Variants in SPTAN1 observed in about 807,000 individuals in gnomAD.
The protein encoded by SPTAN1 is spectrin alpha, non-erythrocytic 1.
In SPTAN1, 61 loss-of-function variants were observed where a neutral mutation model predicts 331.3. The ratio of observed to expected loss-of-function variants is 0.18; its 90% confidence interval spans 0.15 to 0.23. The LOEUF (loss-of-function observed/expected upper bound fraction) is 0.23. Among genes scored for constraint, SPTAN1 ranks in the 10% least tolerant of loss-of-function variants. The pLI is 1.00. For missense variants in SPTAN1, 2,043 were observed against 3,147.9 expected (o/e 0.65, Z 8.40); for synonymous variants, 1,153 against 1,173.9 (o/e 0.98, Z 0.36).
intron 1 of SPTAN1, 119 bp from the exon 2 acceptor site, chr9:128,566,619 T>C: frequency 6.8e-7 from 1 of 1,472,874 alleles, no homozygotes; most frequent in South Asian, 1.2e-5. Context: ...GGCTGTCTTC[T>C]CAATTCATTT....
intron 9 of SPTAN1, among the ~76,000 whole-genome samples, chr9:128,578,631 C>G (rs1043664667): frequency 6.6e-6 from 1 of 152,062 alleles, no homozygotes; most frequent in African/African-American, 2.4e-5. Context: ...GAGATCAAGA[C>G]CATCCATGCC....
chr9:128,561,209 AGAG>A (rs932005558), intron 1 of SPTAN1, among the ~76,000 whole-genome samples: 39 of 151,146 alleles, frequency 2.6e-4, no homozygotes, highest in African/African-American at 9.2e-4. Flanking sequence ...CTTAAAAAGA[AGAG>A]AAATACAAAA....
At chr9:128,575,515 T>C (rs1329204876) in intron 5 of SPTAN1, among the ~76,000 whole-genome samples, 170 bp downstream of exon 5, 1 of 152,222 alleles carries the variant, frequency 6.6e-6, no homozygotes, top group African/African-American at 2.4e-5. Flanking sequence ...TACTCCTAAA[T>C]TGGAAAATGC....
At chr9:128,617,916 T>C in intron 42 of SPTAN1, 71 bp from the exon 43 acceptor site, 3 of 1,613,688 alleles carry the variant, frequency 1.9e-6, no homozygotes, top group Non-Finnish European at 2.5e-6. Context: ...TTGAGGCCTT[T>C]TCCTGGGAGC....
chr9:128,570,326 ATATATTTTTTTTTTTTT>A (rs1294069972), intron 3 of SPTAN1, among the ~76,000 whole-genome samples: 2 of 43,130 alleles, frequency 4.6e-5, no homozygotes, highest in Non-Finnish European at 8.3e-5. Flanking sequence ...ATATATATAT[ATATATTTTTTTTTTTTT>A]TTTTTTTTTT....
In SPTAN1 at chr9:128,591,366, G is replaced by A. The variant is rs556696621; in HGVS notation, c.3007-111G>A. On this transcript the variant is annotated intron_variant, in intron 21 of 56. Transcript: ENST00000372739. Reference sequence around the variant, plus strand: ...TAGGTGTGAGCCACTGTGGCCGGCCGTTTTGGACCTCTTAAAACAACGCTC... The same window carrying A: ...TAGGTGTGAGCCACTGTGGCCGGCCATTTTGGACCTCTTAAAACAACGCTC... 321 of 1,461,472 alleles carry A rather than the reference G, an allele frequency of 2.2e-4. No individual in the cohort carries two copies. The African/African-American group carries it at 3.7e-3, about 17-fold the overall frequency. 90.5% of individuals were successfully genotyped at this position (1,461,472 alleles called of 1,614,324 possible).
intron 51 of SPTAN1, 119 bp from the exon 52 acceptor site, chr9:128,630,202 T>C: frequency 1.8e-6 from 2 of 1,093,974 alleles, no homozygotes; most frequent in Non-Finnish European, 2.8e-6. Context: ...GCAGTTAGGT[T>C]TGGTTTCCTT....
chr9:128,582,576 A>C lies in SPTAN1; in HGVS notation c.1650+20A>C. 6.2e-7 allele frequency: 1 copy of C among 1,613,156 alleles called. No individual in the cohort carries two copies. The highest frequency in any genetic ancestry group is 1.1e-5 in the South Asian group (1 of 91,086). On this transcript the variant is annotated intron_variant, in intron 13 of 56. Coordinates refer to ENST00000372739, the MANE Select transcript of SPTAN1 (RefSeq NM_001130438.3). ...GATGCTGTAAGTTTGTAGGTTCTTC[A>C]TGCTCCTCCTTTTTGGTACATGAAT...
intron 3 of SPTAN1, among the ~76,000 whole-genome samples, chr9:128,571,187 G>C (rs748889468): frequency 7.2e-5 from 11 of 152,134 alleles, no homozygotes; most frequent in Admixed American, 4.6e-4. Context: ...CTACTGGGGA[G>C]GCTGAGGTGG....
Position 128,577,345 on chromosome 9 carries a change from T to C in SPTAN1, c.931-7T>C. 6.2e-7 allele frequency: 1 copy of C among 1,614,198 alleles called. No homozygotes were observed. Among genetic ancestry groups the C allele is most frequent in the Non-Finnish European group, 8.5e-7 (1 of 1,180,034 alleles). ...AGGAGAATAGTTCTGACGGAGTTCA[T>C]TTCTAGGTCAAAGCCCTGTGTGCTG... is the stretch of plus-strand genomic sequence containing the variant. On this transcript the variant is annotated splice_region_variant and splice_polypyrimidine_tract_variant and intron_variant, in intron 7 of 56. Coordinates refer to ENST00000372739, the MANE Select transcript of SPTAN1 (RefSeq NM_001130438.3). The surrounding 1 kb of genome is among the most constrained non-coding windows in gnomAD (Gnocchi z 4.2).
chr9:128,628,142 C>G (rs1859077257), intron 51 of SPTAN1, 200 bp downstream of exon 51: 1 of 777,808 alleles, frequency 1.3e-6, no homozygotes, highest in Non-Finnish European at 2.3e-6. Flanking sequence ...CCCGATAGAG[C>G]CTTCAAGCCA....
In SPTAN1 at chr9:128,620,954, TCTCACTGC is replaced by T. The variant is rs1414343111; in HGVS notation, c.5734-192_5734-185del. ...AGCCTGTCCCACCACTGCTGGTTACTCTCACTGCCTCACTGCCTCCTGTTTTCCTTCCT... is the reference window on the plus strand; with the variant it reads ...AGCCTGTCCCACCACTGCTGGTTACTCTCACTGCCTCCTGTTTTCCTTCCT... On this transcript the variant is annotated intron_variant, in intron 44 of 56. Coordinates refer to ENST00000372739, the MANE Select transcript of SPTAN1 (RefSeq NM_001130438.3). Among the ~76,000 whole-genome samples the T allele has an allele frequency of 1.5e-4, 23 of 152,316 alleles. No homozygotes were observed. The East Asian group carries it at 2.3e-3, about 15-fold the overall frequency.
At chr9:128,597,166 GA>G (rs1282574297) in intron 24 of SPTAN1, among the ~76,000 whole-genome samples, 3 of 151,394 alleles carry the variant, frequency 2.0e-5, no homozygotes, top group East Asian at 1.9e-4. Flanking sequence ...TCTCATTAGA[GA>G]AAAAAAAGAA....
chr9:128,622,625 G>T (rs540764031), intron 45 of SPTAN1, among the ~76,000 whole-genome samples: 20 of 151,924 alleles, frequency 1.3e-4, no homozygotes, highest in African/African-American at 4.6e-4. Context: ...TGTCCTCAGC[G>T]ACAGCCTGTT....
At chr9:128,572,779 G>A (rs967384068) in intron 3 of SPTAN1, among the ~76,000 whole-genome samples, 5 of 152,122 alleles carry the variant, frequency 3.3e-5, no homozygotes, top group Admixed American at 6.6e-5. Context: ...ACCGGACAGC[G>A]TGGCGCCCCA....
chr9:128,609,499 G>A lies in SPTAN1; in HGVS notation c.4759-152G>A, dbSNP rs191265660. ...TGTCTCCATTAAAACTATTTCTGCT[G>A]TAATAAAAGTCTATAGAATCCCCCT... On this transcript the variant is annotated intron_variant, in intron 36 of 56. Coordinates refer to ENST00000372739, the MANE Select transcript of SPTAN1 (RefSeq NM_001130438.3). 3,407 of 949,886 alleles carry A rather than the reference G, an allele frequency of 3.6e-3. 23 individuals are homozygous for A. The highest frequency in any genetic ancestry group is 9.9e-3 in the Admixed American group (409 of 41,170). The allele number at this position is 949,886 out of a possible 1,614,324, so 58.8% of individuals were successfully genotyped here. A position where few individuals can be genotyped will look rare whatever the true frequency, so the allele number is the denominator to read the frequency against.
intron 15 of SPTAN1, 90 bp downstream of exon 15, chr9:128,583,371 A>G: frequency 1.5e-6 from 2 of 1,313,782 alleles, no homozygotes; most frequent in South Asian, 1.3e-5. Context: ...ATACCCCCCA[A>G]GAAAGGTGAG....
At chr9:128,562,329 A>G (rs1422717947) in intron 1 of SPTAN1, among the ~76,000 whole-genome samples, 4 of 152,056 alleles carry the variant, frequency 2.6e-5, no homozygotes, top group Admixed American at 2.0e-4. Flanking sequence ...TCTGGAGCTC[A>G]TGACCTTGTG....
Position 128,593,050 on chromosome 9 carries a change from G to A in SPTAN1, c.3215+8G>A. On this transcript the variant is annotated splice_region_variant and intron_variant, in intron 23 of 56. Coordinates refer to ENST00000372739, the MANE Select transcript of SPTAN1 (RefSeq NM_001130438.3). The stretch of plus-strand genomic sequence containing the variant: ...GAAGCAGGTGGAAGAACTGTGAGTA[G>A]GCTGAGAGTCTTGCAGAGCACCAAT... 1.2e-6 allele frequency: 2 copies of A among 1,608,194 alleles called. No individual in the cohort carries two copies. Among genetic ancestry groups the A allele is most frequent in the Non-Finnish European group, 1.7e-6 (2 of 1,177,102 alleles).
Sources: gnomAD v4.1 joint callset for allele counts (sites outside exome capture counted in the v4.1 genomes callset) on GRCh38, gnomAD v4.1.1 for gene constraint, Gnocchi (gnomAD v3.1) non-coding constraint, MANE v1.5 for transcripts, NCBI Gene and HGNC (gene_info 2026-07-23, HGNC 2026-07-21) for gene names.